Variants in ARHGAP26 observed in about 807,000 individuals in gnomAD.
The protein encoded by ARHGAP26 is Rho GTPase activating protein 26.
Under a neutral mutation model 104.8 loss-of-function variants are expected in ARHGAP26, and 38 were observed. The ratio of observed to expected loss-of-function variants is 0.36; its 90% CI spans 0.28 to 0.48. ARHGAP26 has a LOEUF of 0.48. Ranked by LOEUF, ARHGAP26 falls within the 20% of genes least tolerant of loss-of-function variation. ARHGAP26 has a pLI of 0.99. For synonymous variants in ARHGAP26, 341 were observed against 340.0 expected (o/e 1.00, Z -0.03); for missense variants, 704 against 947.9 (o/e 0.74, Z 3.38).
chr5:143,064,879 G>A (rs540067423), intron 17 of ARHGAP26, among the ~76,000 whole-genome samples: 5 of 152,244 alleles, frequency 3.3e-5, no homozygotes, highest in Admixed American at 2.0e-4. Flanking sequence ...CACATGTAAC[G>A]CCCATTCTGA....
rs74804076 is a variant in ARHGAP26, at chr5:143,114,114, C to A, written c.1539-6874C>A. ...AGGAGACACTGTGTAGAAGTACCCA[C>A]CATAAGCATTCAATTAATTATTTCA... is the stretch of plus-strand genomic sequence containing the variant. On this transcript the variant is annotated intron_variant, in intron 17 of 22. Coordinates refer to ENST00000645722, the MANE Select transcript of ARHGAP26 (RefSeq NM_001135608.3). 3.3e-3 allele frequency among the ~76,000 whole-genome samples: 507 copies of A among 152,274 alleles called. 14 individuals are homozygous for A. In the East Asian group the frequency reaches 0.068, roughly 20 times the overall value.
At chr5:142,999,262 A>G (rs1218714606) in intron 11 of ARHGAP26, among the ~76,000 whole-genome samples, 1 of 152,182 alleles carries the variant, frequency 6.6e-6, no homozygotes, top group African/African-American at 2.4e-5. Context: ...ATAGATGGCC[A>G]TGTAGTTAGG....
intron 1 of ARHGAP26, among the ~76,000 whole-genome samples, chr5:142,828,146 G>C (rs1767666409): frequency 6.6e-6 from 1 of 152,198 alleles, no homozygotes; most frequent in Non-Finnish European, 1.5e-5. Flanking sequence ...CCCTCAACCT[G>C]GACCTCCCTG....
At chr5:143,016,945 C>T (rs537590057) in intron 12 of ARHGAP26, among the ~76,000 whole-genome samples, 21 of 152,250 alleles carry the variant, frequency 1.4e-4, no homozygotes, top group African/African-American at 4.6e-4. Context: ...TGCAAACCCC[C>T]CATAAGGCTC....
intron 1 of ARHGAP26, among the ~76,000 whole-genome samples, chr5:142,869,697 T>C (rs925395951): frequency 5.3e-5 from 8 of 152,306 alleles, no homozygotes; most frequent in African/African-American, 1.9e-4. Flanking sequence ...ACTTGTGGTA[T>C]TACTGGTACA....
chr5:143,155,414 A>G (rs533482575), intron 20 of ARHGAP26, among the ~76,000 whole-genome samples: 67 of 152,304 alleles, frequency 4.4e-4, no homozygotes, highest in African/African-American at 1.5e-3. Context: ...GATCTCACTC[A>G]TCAATCGGGA....
chr5:142,770,690 G>C lies in ARHGAP26; in HGVS notation c.-72G>C, dbSNP rs1441809500. The C allele has an allele frequency of 7.7e-6, 8 of 1,045,084 alleles. No individual in the cohort carries two copies. The highest frequency in any genetic ancestry group is 6.8e-5 in the East Asian group (1 of 14,740). 64.7% of individuals were successfully genotyped at this position (1,045,084 alleles called of 1,614,324 possible). ...GGGGAGCCGGCCGGGGTCCCGCCGC[G>C]TGAGTGCTCTGGGCGGCGGGCGGCC... On this transcript the variant is annotated 5_prime_UTR_variant, in exon 1 of 23. Coordinates refer to ENST00000645722, the MANE Select transcript of ARHGAP26 (RefSeq NM_001135608.3).
At position 143,133,978 on chromosome 5, in the gene ARHGAP26, C is replaced by T. The variant is rs367794102; in HGVS notation, c.1710C>T (p.Thr570=). The change falls in exon 19 of 23, where the codon ACC becomes ACT. Residue 570 remains threonine (T), a synonymous_variant. Coordinates refer to ENST00000645722, the MANE Select transcript of ARHGAP26 (RefSeq NM_001135608.3). ...AACTTCGTTTGCAGATATTTAACAC[C>T]GTGCCCGATATGCCTCTCACCAATG... ...LIENHEKIFN[T]VPDMPLTNAQ... The T allele has an allele frequency of 1.9e-5, 31 of 1,610,128 alleles. No individual in the cohort carries two copies. The East Asian group carries it at 2.0e-4, about 10-fold the overall frequency.
At chr5:143,111,236 G>C (rs555467662) in intron 17 of ARHGAP26, among the ~76,000 whole-genome samples, 1 of 152,112 alleles carries the variant, frequency 6.6e-6, no homozygotes, top group Admixed American at 6.6e-5. Context: ...ATCTCCTTAA[G>C]GTTAGGCCAT....
intron 10 of ARHGAP26, among the ~76,000 whole-genome samples, chr5:142,931,522 CA>C (rs1176915033): frequency 6.6e-6 from 1 of 152,184 alleles, no homozygotes; most frequent in Non-Finnish European, 1.5e-5. Flanking sequence ...CACATTTAAT[CA>C]TAACTACCAA....
At chr5:143,006,773 T>C (rs1294122753) in intron 11 of ARHGAP26, among the ~76,000 whole-genome samples, 1 of 152,206 alleles carries the variant, frequency 6.6e-6, no homozygotes, top group African/African-American at 2.4e-5. Flanking sequence ...CTCCAGGCTA[T>C]TCATGCTTCA....
chr5:143,224,819 T>A lies in ARHGAP26; in HGVS notation c.*2373T>A. ...AGGAAGACTCCAGGAGGGGTATAGA[T>A]TGTGCCGTCATAGCTTTACAGGTGG... On this transcript the variant is annotated 3_prime_UTR_variant, in exon 23 of 23. Transcript: ENST00000645722. The A allele has an allele frequency of 4.4e-6, 1 of 227,574 alleles. No homozygotes were observed. The highest frequency in any genetic ancestry group is 5.7e-5 in the Admixed American group (1 of 17,610). The allele number at this position is 227,574 out of a possible 1,614,324, so 14.1% of individuals were successfully genotyped here.
intron 11 of ARHGAP26, among the ~76,000 whole-genome samples, chr5:142,964,338 T>G (rs1476958568): frequency 6.6e-6 from 1 of 152,222 alleles, no homozygotes; most frequent in Non-Finnish European, 1.5e-5. Context: ...CTAAATTCTT[T>G]TCTTTGATTT....
intron 11 of ARHGAP26, among the ~76,000 whole-genome samples, chr5:143,001,483 A>G (rs1236078929): frequency 6.6e-6 from 1 of 152,270 alleles, no homozygotes; most frequent in African/African-American, 2.4e-5. Context: ...TAAGGCAAAT[A>G]TAGCAAAATA....
At chr5:143,027,180 T>C (rs1781174501) in intron 12 of ARHGAP26, among the ~76,000 whole-genome samples, 1 of 151,552 alleles carries the variant, frequency 6.6e-6, no homozygotes, top group Non-Finnish European at 1.5e-5. Context: ...TTTGTGTTTT[T>C]TTTTTTTTTG....
At chr5:143,010,580 C>T (rs548910884) in intron 11 of ARHGAP26, among the ~76,000 whole-genome samples, 32 of 152,322 alleles carry the variant, frequency 2.1e-4, no homozygotes, top group African/African-American at 7.5e-4. Context: ...CATTTCAAAA[C>T]TCATTCTCTT....
rs989466447 is a variant in ARHGAP26 at position 143,228,241 on chromosome 5, G to T, written c.*5795G>T. On this transcript the variant is annotated 3_prime_UTR_variant, in exon 23 of 23. Transcript: ENST00000645722. ...TGTTGATTCTAAAGTATATTTATGT[G>T]TGTGTGTATGTGTGTGTATACAGCA... The T allele has an allele frequency of 4.5e-5, 10 of 223,610 alleles. No homozygotes were observed. Among genetic ancestry groups the T allele is most frequent in the African/African-American group, 1.3e-4 (6 of 44,768 alleles). 13.9% of individuals were successfully genotyped at this position (223,610 alleles called of 1,614,324 possible). A position where few individuals can be genotyped will look rare whatever the true frequency, so the allele number is the denominator to read the frequency against.
chr5:143,022,122 A>C (rs577929093), intron 12 of ARHGAP26, among the ~76,000 whole-genome samples: 3 of 152,174 alleles, frequency 2.0e-5, no homozygotes, highest in African/African-American at 7.2e-5. Context: ...CCCAGGCTGG[A>C]GTGCAGTGGT....
intron 18 of ARHGAP26, among the ~76,000 whole-genome samples, chr5:143,122,542 T>TC (rs1409761358): frequency 6.6e-6 from 1 of 152,242 alleles, no homozygotes; most frequent in African/African-American, 2.4e-5. Context: ...AGATGTTAAT[T>TC]GACTTTTATT....
Sources: gnomAD v4.1 joint callset for allele counts (sites outside exome capture counted in the v4.1 genomes callset) on GRCh38, gnomAD v4.1.1 for gene constraint, MANE v1.5 for transcripts, NCBI Gene and HGNC (gene_info 2026-07-23, HGNC 2026-07-21) for gene names.